ATM: variants seen among roughly 807,000 people sequenced by gnomAD.
The protein encoded by ATM is serine-protein kinase ATM.
In ATM, 308 loss-of-function variants were observed where a neutral mutation model predicts 387.0. The ratio of observed to expected loss-of-function variants is 0.80; its 90% CI spans 0.73 to 0.87. The LOEUF (loss-of-function observed/expected upper bound fraction) is 0.87, where lower values mean the gene tolerates loss of function less well. Ranked by LOEUF, ATM falls within the 40% of genes least tolerant of loss-of-function variation. The probability of loss-of-function intolerance (pLI) is 0.00; values close to 1 mark genes in which losing one functional copy is unlikely to be tolerated. For synonymous variants in ATM, 1,156 were observed against 1,187.3 expected (o/e 0.97, Z 0.54); for missense variants, 3,312 against 3,560.9 (o/e 0.93, Z 1.78).
At chr11:108,351,253 T>C (rs2089167868) in intron 59 of ATM, among the ~76,000 whole-genome samples, 1 of 152,162 alleles carries the variant, frequency 6.6e-6, no homozygotes, top group Non-Finnish European at 1.5e-5. Context: ...AAAGAGGTGA[T>C]TAGTGACTGG....
In ATM at chr11:108,304,776, TC is replaced by T; in HGVS notation, c.5599del (p.Gln1867ArgfsTer50). 1 of 1,614,048 alleles carries T rather than the reference TC, an allele frequency of 6.2e-7. No homozygotes were observed. On this transcript the variant is annotated frameshift_variant, in exon 37 of 63. Transcript: ENST00000675843. LOFTEE classifies it high-confidence loss of function. ...SWRNLLSTHV[Q>X]GFFTSCLRHF... ...GGAGAAATCTGCTTTCTACACATGT[TC>T]AGGGATTTTTCACCAGCTGTCTTCG...
At chr11:108,234,089 A>T (rs769186774) in intron 4 of ATM, among the ~76,000 whole-genome samples, 1 of 152,184 alleles carries the variant, frequency 6.6e-6, no homozygotes, top group East Asian at 1.9e-4. Flanking sequence ...TAATCATACA[A>T]TGGATGTTTT....
intron 5 of ATM, among the ~76,000 whole-genome samples, chr11:108,238,369 C>T (rs1050543092): frequency 1.3e-5 from 2 of 151,944 alleles, no homozygotes; most frequent in African/African-American, 4.8e-5. Context: ...CTAGGCTGGT[C>T]TCAAACTCCT....
rs587779873 is a variant in ATM, at chr11:108,347,288, T to C, written c.8594T>C (p.Ile2865Thr). The change falls in exon 59 of 63, where the codon ATA (isoleucine) becomes ACA (threonine). Residue 2865 changes from isoleucine to threonine, a missense_variant. By Grantham distance (89) the Ile-to-Thr change is moderately conservative (BLOSUM62 -1). Around this residue, in one of 4 missense-constraint regions of ATM, gnomAD observed 1,405 missense variants for 1,604.4 expected, o/e 0.88. Coordinates refer to ENST00000675843, the MANE Select transcript of ATM (RefSeq NM_000051.4). Reference protein sequence around the residue: ...SVATSSIVGYILGLGDRHVQN... With the variant: ...SVATSSIVGYTLGLGDRHVQN... Reference sequence around the variant, plus strand: ...TTTCTTTTTTCTCCAGTTGGTTACATACTTGGACTTGGTGATAGACATGTA... The same window carrying C: ...TTTCTTTTTTCTCCAGTTGGTTACACACTTGGACTTGGTGATAGACATGTA... The C allele has an allele frequency of 6.2e-7, 1 of 1,608,586 alleles. No homozygotes were observed. The highest frequency in any genetic ancestry group is 8.5e-7 in the Non-Finnish European group (1 of 1,175,224).
At chr11:108,230,394 C>A (rs984338158) in intron 4 of ATM, 9 of 152,144 alleles carry the variant, frequency 5.9e-5, no homozygotes, top group African/African-American at 1.9e-4. Flanking sequence ...CCATCCTGGG[C>A]GACAGAGCGA....
chr11:108,353,638 T>C (rs912761184), intron 59 of ATM, 128 bp from the exon 60 acceptor site: 2 of 751,550 alleles, frequency 2.7e-6, no homozygotes, highest in African/African-American at 1.7e-5. Flanking sequence ...AGTAAACTAC[T>C]GTACATACTA....
At chr11:108,356,205 T>G (rs2089901204) in intron 61 of ATM, 1 of 152,274 alleles carries the variant, frequency 6.6e-6, no homozygotes, top group East Asian at 1.9e-4. Context: ...ATGTCGAAAT[T>G]AAACTCTAAA....
At chr11:108,364,482 C>A (rs1398150229) in intron 61 of ATM, among the ~76,000 whole-genome samples, 1 of 152,134 alleles carries the variant, frequency 6.6e-6, no homozygotes, top group African/African-American at 2.4e-5. Flanking sequence ...TAATATATAT[C>A]TCAAGATTCC....
At chr11:108,342,331 G>C (rs559025854) in intron 56 of ATM, among the ~76,000 whole-genome samples, 12 of 152,126 alleles carry the variant, frequency 7.9e-5, no homozygotes, top group Non-Finnish European at 1.8e-4. Flanking sequence ...GTAGTATATA[G>C]CTGTTAAAAT....
intron 59 of ATM, among the ~76,000 whole-genome samples, chr11:108,351,968 T>C (rs1297790336): frequency 6.6e-6 from 1 of 152,206 alleles, no homozygotes. Context: ...CCTTTCCCTA[T>C]TGAGTGTCAG....
intron 9 of ATM, among the ~76,000 whole-genome samples, chr11:108,249,743 C>T (rs73006275): frequency 6.6e-6 from 1 of 152,130 alleles, no homozygotes; most frequent in South Asian, 2.1e-4. Flanking sequence ...TAGTCAAACT[C>T]GTGATCAGTG....
intron 1 of ATM, chr11:108,225,154 A>G (rs1255192133): frequency 6.6e-6 from 1 of 152,240 alleles, no homozygotes; most frequent in African/African-American, 2.4e-5. Flanking sequence ...GGATATTGCT[A>G]AGGTATTTTC....
chr11:108,252,119 T>A, intron 11 of ATM, 88 bp downstream of exon 11: 1 of 1,168,276 alleles, frequency 8.6e-7, no homozygotes, highest in Non-Finnish European at 1.2e-6. Flanking sequence ...GGCTTTATTT[T>A]ATAATAATAA....
rs748738992 is a variant in ATM at position 108,315,882 on chromosome 11, T to C, written c.6066T>C (p.Gly2022=). 1 of 1,612,984 alleles carries C rather than the reference T, an allele frequency of 6.2e-7. No individual in the cohort carries two copies. The highest frequency in any genetic ancestry group is 1.1e-5 in the South Asian group (1 of 91,050). Residue 2022 remains glycine, a synonymous_variant, in exon 41 of 63, where the codon GGT becomes GGC. Transcript: ENST00000675843. ...AGCCAGATAGTTTGTATGGCTGTGGTGGAGGGAAGATGTTACAACCCATTA... is the reference window on the plus strand; with the variant it reads ...AGCCAGATAGTTTGTATGGCTGTGGCGGAGGGAAGATGTTACAACCCATTA... The part of the protein sequence containing the change: ...IGEPDSLYGC[G]GGKMLQPITR...
At chr11:108,233,002 A>G (rs1407026392) in intron 4 of ATM, among the ~76,000 whole-genome samples, 1 of 152,032 alleles carries the variant, frequency 6.6e-6, no homozygotes, top group East Asian at 1.9e-4. Context: ...AACTGGGATT[A>G]CAGGCATGCC....
At chr11:108,227,719 T>C in intron 2 of ATM, 23 bp downstream of exon 2, 3 of 1,592,322 alleles carry the variant, frequency 1.9e-6, no homozygotes. Context: ...TTAAATTCAA[T>C]TTTTCCTTGA....
At position 108,367,588 on chromosome 11, in the gene ATM, C is replaced by A. The variant is rs142456486; in HGVS notation, c.*2080C>A. 9.6e-6 allele frequency: 2 copies of A among 207,266 alleles called. No individual in the cohort carries two copies. The highest frequency in any genetic ancestry group is 9.8e-6 in the Non-Finnish European group (1 of 101,556). The allele number at this position is 207,266 out of a possible 1,614,324, so 12.8% of individuals were successfully genotyped here. ...TGTTCATCCCAGCTGCGGAGATTAA[C>A]AAATGGGTGATTGAGCTTTCTCCTC... On this transcript the variant is annotated 3_prime_UTR_variant, in exon 63 of 63. Transcript: ENST00000675843.
intron 40 of ATM, among the ~76,000 whole-genome samples, chr11:108,315,358 A>AGT (rs763815870): frequency 2.0e-5 from 3 of 152,102 alleles, no homozygotes; most frequent in Non-Finnish European, 4.4e-5. Flanking sequence ...TGCTGTGTAC[A>AGT]GTGTGTGTGT....
intron 29 of ATM, 48 bp downstream of exon 29, chr11:108,289,849 T>G (rs749355961): frequency 1.4e-5 from 22 of 1,553,198 alleles, no homozygotes; most frequent in Non-Finnish European, 1.9e-5. Flanking sequence ...TCTATCCTGT[T>G]CTTCCTGTTT....
Sources: gnomAD v4.1 joint callset for allele counts (sites outside exome capture counted in the v4.1 genomes callset) on GRCh38, gnomAD v4.1.1 for gene constraint, gnomAD v4.1.1 regional missense constraint, MANE v1.5 for transcripts, NCBI Gene and HGNC (gene_info 2026-07-23, HGNC 2026-07-21) for gene names.